Variants in PRKG1 observed in about 807,000 individuals in gnomAD.
The protein encoded by PRKG1 is protein kinase cGMP-dependent 1.
PRKG1 carries 35 observed loss-of-function variants against 88.1 expected under a neutral mutation model. The observed-to-expected ratio is 0.40, with a 90% CI of 0.30 to 0.53. The LOEUF (loss-of-function observed/expected upper bound fraction) is 0.53, where lower values mean the gene tolerates loss of function less well. Ranked by LOEUF, PRKG1 falls within the 20% of genes least tolerant of loss-of-function variation. The pLI, the probability that PRKG1 is intolerant of heterozygous loss-of-function variation, is 0.59. For missense variants in PRKG1, 540 were observed against 839.8 expected (o/e 0.64, Z 4.41); for synonymous variants, 303 against 292.5 (o/e 1.04, Z -0.37).
chr10:51,255,209 A>G (rs969864548), intron 2 of PRKG1, among the ~76,000 whole-genome samples: 5 of 152,142 alleles, frequency 3.3e-5, no homozygotes, highest in African/African-American at 4.8e-5. Context: ...TGTTTTGACT[A>G]TGAAGAGCTG....
intron 1 of PRKG1, among the ~76,000 whole-genome samples, chr10:51,037,812 G>A (rs1477075886): frequency 1.3e-5 from 2 of 151,868 alleles, no homozygotes; most frequent in Non-Finnish European, 2.9e-5. Context: ...AATATTTCAG[G>A]CCACAAGTAT....
At chr10:51,409,850 C>CA (rs71459417) in intron 2 of PRKG1, among the ~76,000 whole-genome samples, 16,191 of 79,308 alleles carry the variant, frequency 0.2, 1,871 homozygotes, top group Admixed American at 0.3. Flanking sequence ...GAGACTCTGT[C>CA]AAAAAAAAAA....
chr10:51,794,252 G>A (rs1838950128), intron 3 of PRKG1, among the ~76,000 whole-genome samples: 1 of 152,096 alleles, frequency 6.6e-6, no homozygotes, highest in Non-Finnish European at 1.5e-5. Context: ...TAGGATAATA[G>A]TAGAAGACAG....
intron 5 of PRKG1, among the ~76,000 whole-genome samples, chr10:52,027,332 G>A (rs1294274752): frequency 2.0e-5 from 3 of 152,156 alleles, no homozygotes; most frequent in Non-Finnish European, 2.9e-5. Context: ...TGGTGGATGA[G>A]GGTGAGTGTG....
intron 3 of PRKG1, among the ~76,000 whole-genome samples, chr10:51,752,930 A>G (rs1435601912): frequency 2.0e-5 from 3 of 152,130 alleles, no homozygotes; most frequent in Admixed American, 6.5e-5. Flanking sequence ...AACTTTTTGC[A>G]ATGTTGATTT....
At chr10:52,076,247 A>C (rs1049610991) in intron 7 of PRKG1, among the ~76,000 whole-genome samples, 1 of 152,342 alleles carries the variant, frequency 6.6e-6, no homozygotes, top group Non-Finnish European at 1.5e-5. Context: ...TTTTACATCA[A>C]AACATAATCT....
intron 3 of PRKG1, among the ~76,000 whole-genome samples, chr10:51,778,452 G>A (rs999389030): frequency 2.0e-5 from 3 of 152,120 alleles, no homozygotes; most frequent in East Asian, 1.9e-4. Flanking sequence ...TGCTTCTAAG[G>A]CAGCAGAATG....
At chr10:51,995,501 T>A (rs981022519) in intron 5 of PRKG1, among the ~76,000 whole-genome samples, 1 of 152,244 alleles carries the variant, frequency 6.6e-6, no homozygotes, top group Non-Finnish European at 1.5e-5. Flanking sequence ...TAGCGTTAAA[T>A]GTTTTTACCA....
At chr10:51,665,736 C>G (rs1840406440) in intron 3 of PRKG1, among the ~76,000 whole-genome samples, 1 of 151,426 alleles carries the variant, frequency 6.6e-6, no homozygotes, top group Non-Finnish European at 1.5e-5. Context: ...CTTCTTCCTT[C>G]ATTTTTTAAA....
At chr10:52,082,504 G>T (rs976390591) in intron 7 of PRKG1, among the ~76,000 whole-genome samples, 7 of 152,160 alleles carry the variant, frequency 4.6e-5, no homozygotes, top group Non-Finnish European at 8.8e-5. Flanking sequence ...CAATGTGGTG[G>T]CATGGAAAGT....
intron 3 of PRKG1, among the ~76,000 whole-genome samples, chr10:51,549,014 T>C (rs775309178): frequency 1.3e-5 from 2 of 152,030 alleles, no homozygotes; most frequent in Non-Finnish European, 2.9e-5. Context: ...AGAGATTTGA[T>C]TGGCTTCAGT....
intron 2 of PRKG1, among the ~76,000 whole-genome samples, chr10:51,279,717 A>G (rs1564668205): frequency 6.6e-6 from 1 of 151,810 alleles, no homozygotes; most frequent in African/African-American, 2.4e-5. Context: ...TTTGTTTTCC[A>G]TTTGCTGGGT....
At chr10:51,252,451 C>A (rs1241396054) in intron 2 of PRKG1, among the ~76,000 whole-genome samples, 5 of 151,742 alleles carry the variant, frequency 3.3e-5, no homozygotes, top group African/African-American at 1.2e-4. Context: ...TAAACTTTAT[C>A]AAATTCTTCA....
intron 9 of PRKG1, among the ~76,000 whole-genome samples, chr10:52,202,084 A>C (rs1488758687): frequency 6.6e-6 from 1 of 151,996 alleles, no homozygotes; most frequent in East Asian, 1.9e-4. Context: ...TATGAATTCC[A>C]GTACTATGTT....
chr10:51,006,040 T>G (rs1233738599), intron 1 of PRKG1, among the ~76,000 whole-genome samples: 4 of 152,178 alleles, frequency 2.6e-5, no homozygotes, highest in Admixed American at 6.5e-5. Context: ...GGGGGAGGTG[T>G]GCTTCCACTG....
chr10:51,545,920 CTCT>C (rs765195247), intron 3 of PRKG1, among the ~76,000 whole-genome samples: 48 of 150,308 alleles, frequency 3.2e-4, no homozygotes, highest in Non-Finnish European at 5.6e-4. Flanking sequence ...TTCTCTCCTT[CTCT>C]TTTTTTCTCT....
chr10:51,063,101 G>T lies in PRKG1; in HGVS notation c.266+71457G>T, dbSNP rs367975070. On this transcript the variant is annotated intron_variant, in intron 1 of 17. Coordinates refer to the PRKG1 transcript ENST00000401604. ...GATTTTTAACTTGAAACAAAATTTG[G>T]CAAACTTTATACATTATTAGAAAAA... 6.6e-5 allele frequency among the ~76,000 whole-genome samples: 10 copies of T among 152,114 alleles called. No homozygotes were observed. The East Asian group carries it at 1.7e-3, about 26-fold the overall frequency.
chr10:51,022,911 C>T (rs976507120), intron 1 of PRKG1, among the ~76,000 whole-genome samples: 5 of 152,152 alleles, frequency 3.3e-5, no homozygotes, highest in South Asian at 2.1e-4. Context: ...GCAGGAGAAT[C>T]GCTTGAACCC....
At chr10:51,951,870 C>G (rs10466027) in intron 5 of PRKG1, among the ~76,000 whole-genome samples, 4,177 of 152,124 alleles carry the variant, frequency 0.027, 196 homozygotes, top group African/African-American at 0.095. Flanking sequence ...GAGTGGTGAC[C>G]TATGAATAGT....
Sources: allele counts gnomAD v4.1 joint callset (sites outside exome capture counted in the v4.1 genomes callset), GRCh38; gene constraint gnomAD v4.1.1; transcripts MANE v1.5; gene names NCBI Gene and HGNC (gene_info 2026-07-23, HGNC 2026-07-21).